The following PPP3CC variants were observed in gnomAD, a reference collection of about 807,000 sequenced individuals.
PPP3CC encodes serine/threonine-protein phosphatase 2B catalytic subunit gamma isoform.
PPP3CC carries 35 observed loss-of-function variants against 60.3 expected under a neutral mutation model. The ratio of observed to expected loss-of-function variants is 0.58; its 90% CI spans 0.44 to 0.77. The LOEUF (loss-of-function observed/expected upper bound fraction) is 0.77. Among genes scored for constraint, PPP3CC ranks in the 30% least tolerant of loss-of-function variants. The pLI is 0.00. For synonymous variants in PPP3CC, 206 were observed against 224.3 expected (o/e 0.92, Z 0.73); for missense variants, 570 against 628.9 (o/e 0.91, Z 1.00).
intron 4 of PPP3CC, among the ~76,000 whole-genome samples, chr8:22,504,130 T>C (rs1021429541): frequency 2.0e-5 from 3 of 152,212 alleles, no homozygotes; most frequent in African/African-American, 7.2e-5. Flanking sequence ...TTCCTTTCTT[T>C]ATGGAAAAGT....
At chr8:22,523,787 G>T in intron 8 of PPP3CC, 2 of 337,330 alleles carry the variant, frequency 5.9e-6, no homozygotes, top group South Asian at 4.5e-5. Context: ...ATACCATTTG[G>T]GGTCAGAAAC....
chr8:22,506,920 A>G (rs1838940046), intron 4 of PPP3CC, among the ~76,000 whole-genome samples: 1 of 150,378 alleles, frequency 6.6e-6, no homozygotes, highest in East Asian at 1.9e-4. Flanking sequence ...CCAGTCTCTC[A>G]AATAAATAAA....
chr8:22,513,303 T>A lies in PPP3CC; in HGVS notation c.641T>A (p.Phe214Tyr). 6.2e-7 allele frequency: 1 copy of A among 1,611,298 alleles called. No individual in the cohort carries two copies. The highest frequency in any genetic ancestry group is 1.1e-5 in the South Asian group (1 of 90,438). Reference sequence around the variant, plus strand: ...TTGTGTGTCTTCTAGTTAGACAGGTTTACGGAACCTCCCGCCTTTGGACCT... The same window carrying A: ...TTGTGTGTCTTCTAGTTAGACAGGTATACGGAACCTCCCGCCTTTGGACCT... ...SLDDIRKLDR[F>Y]TEPPAFGPVC... The change falls in exon 6 of 14, where the codon TTT becomes TAT. Residue 214 changes from phenylalanine to tyrosine, a missense_variant. Transcript: ENST00000240139.
At chr8:22,443,877 C>T (rs1836748646) in intron 1 of PPP3CC, among the ~76,000 whole-genome samples, 1 of 152,014 alleles carries the variant, frequency 6.6e-6, no homozygotes, top group Non-Finnish European at 1.5e-5. Flanking sequence ...GGTACTAAAC[C>T]CTGGTCTGAT....
intron 3 of PPP3CC, among the ~76,000 whole-genome samples, chr8:22,486,300 AAG>A (rs964787728): frequency 6.6e-6 from 1 of 152,058 alleles, no homozygotes; most frequent in African/African-American, 2.4e-5. Context: ...GATCTCAGGG[AAG>A]GAAGGCCCTT....
intron 1 of PPP3CC, among the ~76,000 whole-genome samples, chr8:22,472,842 C>T (rs1237146976): frequency 6.6e-6 from 1 of 152,132 alleles, no homozygotes; most frequent in Non-Finnish European, 1.5e-5. Flanking sequence ...TCTCTTGCTG[C>T]TTCTTCAGCT....
chr8:22,500,239 T>C (rs1838723240), intron 4 of PPP3CC, among the ~76,000 whole-genome samples: 1 of 152,210 alleles, frequency 6.6e-6, no homozygotes, highest in Non-Finnish European at 1.5e-5. Context: ...AAATTTTACC[T>C]GTTTTGACTT....
At chr8:22,508,629 A>G (rs997957264) in intron 4 of PPP3CC, among the ~76,000 whole-genome samples, 5 of 152,196 alleles carry the variant, frequency 3.3e-5, no homozygotes, top group Non-Finnish European at 7.3e-5. Context: ...GCATTTATCA[A>G]TGTAAGATGT....
chr8:22,529,299 ACT>A lies in PPP3CC; in HGVS notation c.1141+723_1141+724del, dbSNP rs374910948. Among the ~76,000 whole-genome samples the A allele has an allele frequency of 2.6e-5, 4 of 152,348 alleles. 1 individual carries two copies. Among genetic ancestry groups the A allele is most frequent in the African/African-American group, 9.6e-5 (4 of 41,586 alleles). ...ATACAGCCTCTAGAAAGGCTGTACC[ACT>A]TTACATTTTGCAGGATGCATAGTCA... On this transcript the variant is annotated intron_variant, in intron 10 of 13. Coordinates refer to ENST00000240139, the MANE Select transcript of PPP3CC (RefSeq NM_005605.5).
chr8:22,522,607 G>T (rs778942122), intron 7 of PPP3CC, 39 bp downstream of exon 7: 1 of 1,592,336 alleles, frequency 6.3e-7, no homozygotes, highest in African/African-American at 1.3e-5. Context: ...TCGCTGCAGA[G>T]TCTTTGCATT....
intron 1 of PPP3CC, among the ~76,000 whole-genome samples, chr8:22,462,746 T>A (rs1837399531): frequency 6.6e-6 from 1 of 152,038 alleles, no homozygotes; most frequent in African/African-American, 2.4e-5. Flanking sequence ...AATTTTTGTA[T>A]TTTTAGTAGG....
chr8:22,461,805 T>C (rs1837369443), intron 1 of PPP3CC, among the ~76,000 whole-genome samples: 1 of 152,184 alleles, frequency 6.6e-6, no homozygotes, highest in Non-Finnish European at 1.5e-5. Flanking sequence ...TGGGCAGGGA[T>C]TGGCTAGAAT....
rs899585708 is a variant in PPP3CC, at chr8:22,481,345, A to AAAAAAT, written c.372+5723_372+5724insAAATAA. Among the ~76,000 whole-genome samples, 576 of 143,980 alleles carry AAAAAAT rather than the reference A, an allele frequency of 4.0e-3. 5 individuals carry two copies. Among genetic ancestry groups the AAAAAAT allele is most frequent in the African/African-American group, 0.014 (557 of 39,120 alleles). The allele number at this position is 143,980 out of a possible 152,430, so 94.5% of individuals were successfully genotyped here. On this transcript the variant is annotated intron_variant, in intron 3 of 13. Coordinates refer to ENST00000240139, the MANE Select transcript of PPP3CC (RefSeq NM_005605.5). ...AGCGAAACTCTGTCTCAAGAAAAAT[A>AAAAAAT]AATAATAATAATAATAATAATAATA...
intron 4 of PPP3CC, among the ~76,000 whole-genome samples, chr8:22,510,600 C>T (rs566752406): frequency 3.9e-5 from 6 of 152,246 alleles, no homozygotes; most frequent in South Asian, 2.1e-4. Context: ...GAGTGCATAC[C>T]GCAGTCCAGC....
intron 1 of PPP3CC, among the ~76,000 whole-genome samples, chr8:22,454,076 CT>C (rs1207083624): frequency 6.6e-6 from 1 of 152,152 alleles, no homozygotes; most frequent in Non-Finnish European, 1.5e-5. Flanking sequence ...CTTACTGTAA[CT>C]TTTACTTTAT....
intron 1 of PPP3CC, among the ~76,000 whole-genome samples, chr8:22,452,473 A>G (rs953036236): frequency 2.6e-5 from 4 of 151,718 alleles, no homozygotes; most frequent in African/African-American, 9.7e-5. Flanking sequence ...CTTCAGTCAG[A>G]CATACCTGGA....
intron 1 of PPP3CC, among the ~76,000 whole-genome samples, chr8:22,462,337 C>T (rs1405677255): frequency 6.6e-6 from 1 of 152,180 alleles, no homozygotes; most frequent in Non-Finnish European, 1.5e-5. Context: ...TTTGCAAGTA[C>T]TAAGTGCTTT....
At chr8:22,486,145 T>G (rs1838217774) in intron 3 of PPP3CC, among the ~76,000 whole-genome samples, 1 of 152,206 alleles carries the variant, frequency 6.6e-6, no homozygotes, top group African/African-American at 2.4e-5. Context: ...ATAAATACCT[T>G]AATTTATTTC....
intron 1 of PPP3CC, among the ~76,000 whole-genome samples, chr8:22,473,960 T>C (rs894962442): frequency 3.3e-5 from 5 of 152,126 alleles, no homozygotes; most frequent in Non-Finnish European, 7.4e-5. Context: ...AGTGGCGCGA[T>C]CTCAGCTCAC....
Sources: allele counts gnomAD v4.1 joint callset (sites outside exome capture counted in the v4.1 genomes callset), GRCh38; gene constraint gnomAD v4.1.1; transcripts MANE v1.5; gene names NCBI Gene and HGNC (gene_info 2026-07-23, HGNC 2026-07-21).